Variants in ANXA4 observed in about 807,000 individuals in gnomAD.
ANXA4 encodes 35-beta calcimedin.
Under a neutral mutation model 49.8 loss-of-function variants are expected in ANXA4, and 39 were observed. The observed-to-expected ratio is 0.78, with a 90% confidence interval of 0.61 to 1.02. The LOEUF (loss-of-function observed/expected upper bound fraction) is 1.02. ANXA4 is among the 50% of genes least tolerant of loss of function. The probability of loss-of-function intolerance (pLI) is 0.00; values close to 1 mark genes in which losing one functional copy is unlikely to be tolerated. For missense variants in ANXA4, 360 were observed against 410.1 expected (o/e 0.88, Z 1.05); for synonymous variants, 134 against 152.5 (o/e 0.88, Z 0.89).
chr2:69,773,319 A>T (rs1352420169), intron 1 of ANXA4, among the ~76,000 whole-genome samples: 1 of 152,142 alleles, frequency 6.6e-6, no homozygotes, highest in Non-Finnish European at 1.5e-5. Flanking sequence ...TCTTTTGGAG[A>T]GGTGTCCCCC....
chr2:69,785,696 C>T (rs1342694336), intron 2 of ANXA4, among the ~76,000 whole-genome samples: 2 of 152,056 alleles, frequency 1.3e-5, no homozygotes, highest in East Asian at 3.9e-4. Context: ...AAAAATGAAA[C>T]GTCCCCAGGT....
intron 2 of ANXA4, among the ~76,000 whole-genome samples, chr2:69,698,467 A>G (rs1559089282): frequency 5.9e-5 from 9 of 151,886 alleles, no homozygotes; most frequent in Admixed American, 3.9e-4. Context: ...CTCCACAGGG[A>G]GCTTTTATTC....
At chr2:69,698,607 C>A (rs549024186) in intron 2 of ANXA4, among the ~76,000 whole-genome samples, 6 of 152,170 alleles carry the variant, frequency 3.9e-5, no homozygotes, top group Non-Finnish European at 7.3e-5. Context: ...ATCCTGGGGA[C>A]AAGCTGCGTT....
intron 1 of ANXA4, among the ~76,000 whole-genome samples, chr2:69,776,585 TG>T (rs1256910618): frequency 3.3e-5 from 5 of 152,150 alleles, no homozygotes; most frequent in African/African-American, 1.2e-4. Flanking sequence ...CAACTGGGTG[TG>T]CCACAATTTA....
intron 3 of ANXA4, among the ~76,000 whole-genome samples, chr2:69,802,258 G>C (rs1673232193): frequency 6.6e-6 from 1 of 152,212 alleles, no homozygotes; most frequent in Non-Finnish European, 1.5e-5. Context: ...AAGAATACTA[G>C]TTAGCAGACA....
chr2:69,728,200 G>A (rs142526373), intron 3 of ANXA4, among the ~76,000 whole-genome samples: 1 of 152,240 alleles, frequency 6.6e-6, no homozygotes, highest in East Asian at 1.9e-4. Flanking sequence ...ATATAATGAG[G>A]CAATATGTAA....
intron 2 of ANXA4, among the ~76,000 whole-genome samples, chr2:69,658,145 C>G (rs1031317473): frequency 3.3e-5 from 5 of 152,018 alleles, no homozygotes; most frequent in African/African-American, 1.2e-4. Flanking sequence ...CACCTGTAAT[C>G]CCAGCACTTT....
chr2:69,710,781 C>T (rs1214746866), intron 2 of ANXA4, among the ~76,000 whole-genome samples: 2 of 152,176 alleles, frequency 1.3e-5, no homozygotes, highest in Non-Finnish European at 2.9e-5. Context: ...TACAGGCTAA[C>T]ATTTTTTAAC....
At chr2:69,737,798 A>G (rs1670281486), upstream of ANXA4, among the ~76,000 whole-genome samples, 1 of 152,086 alleles carries the variant, frequency 6.6e-6, no homozygotes, top group Non-Finnish European at 1.5e-5. Context: ...AGAGAAGATC[A>G]ATAATAGATT....
chr2:69,787,496 G>A (rs1367161947), intron 2 of ANXA4, among the ~76,000 whole-genome samples: 2 of 152,294 alleles, frequency 1.3e-5, no homozygotes, highest in East Asian at 3.9e-4. Flanking sequence ...CCTGTTTACT[G>A]GAAATTTGTT....
chr2:69,688,537 G>A (rs2105368829), intron 2 of ANXA4, among the ~76,000 whole-genome samples: 1 of 152,242 alleles, frequency 6.6e-6, no homozygotes, highest in East Asian at 1.9e-4. Flanking sequence ...CTTTTATAAA[G>A]AGAAATATCC....
At chr2:69,800,269 C>T (rs1460299771) in intron 3 of ANXA4, among the ~76,000 whole-genome samples, 5 of 148,820 alleles carry the variant, frequency 3.4e-5, no homozygotes, top group Non-Finnish European at 7.4e-5. Context: ...TAGGACCCAC[C>T]TTTTTTTTCA....
intron 2 of ANXA4, among the ~76,000 whole-genome samples, chr2:69,679,836 G>C (rs80240862): frequency 0.14 from 20,709 of 152,100 alleles, 2,051 homozygotes; most frequent in East Asian, 0.37. Flanking sequence ...ATTTACTTCC[G>C]GATTCTGTGT....
chr2:69,752,189 G>C (rs567098366), intron 1 of ANXA4, among the ~76,000 whole-genome samples: 41 of 152,296 alleles, frequency 2.7e-4, no homozygotes, highest in African/African-American at 9.9e-4. Flanking sequence ...GTTACAGCAG[G>C]CAAGTCCCAG....
intron 3 of ANXA4, among the ~76,000 whole-genome samples, chr2:69,728,314 C>T (rs1398086157): frequency 6.6e-6 from 1 of 152,122 alleles, no homozygotes; most frequent in Non-Finnish European, 1.5e-5. Flanking sequence ...TTGTAAATAT[C>T]TTATCCTACT....
intron 1 of ANXA4, among the ~76,000 whole-genome samples, chr2:69,764,180 G>C (rs1356979887): frequency 2.6e-5 from 4 of 152,204 alleles, no homozygotes; most frequent in Admixed American, 6.5e-5. Context: ...CCAATAGTTT[G>C]TGATGAACGT....
At chr2:69,768,799 G>A (rs1479294222) in intron 1 of ANXA4, among the ~76,000 whole-genome samples, 2 of 152,234 alleles carry the variant, frequency 1.3e-5, no homozygotes, top group Non-Finnish European at 2.9e-5. Flanking sequence ...CAGAAGGTCA[G>A]GTGCAGTGGC....
chr2:69,659,896 C>G (rs1206493339), intron 2 of ANXA4, among the ~76,000 whole-genome samples: 2 of 151,902 alleles, frequency 1.3e-5, no homozygotes, highest in Non-Finnish European at 2.9e-5. Context: ...TGTCATAAGT[C>G]AAGAACTTGG....
chr2:69,793,470 G>A (rs1672787505), intron 3 of ANXA4, among the ~76,000 whole-genome samples: 1 of 151,758 alleles, frequency 6.6e-6, no homozygotes, highest in Non-Finnish European at 1.5e-5. Context: ...TTTTTCTTAG[G>A]CCAATTAATT....
Sources: gnomAD v4.1 joint callset for allele counts (sites outside exome capture counted in the v4.1 genomes callset) on GRCh38, gnomAD v4.1.1 for gene constraint, MANE v1.5 for transcripts, NCBI Gene and HGNC (gene_info 2026-07-23, HGNC 2026-07-21) for gene names.